Variants in FHIT observed in about 807,000 individuals in gnomAD.
The protein encoded by FHIT is fragile histidine triad diadenosine triphosphatase, also known as bis(5'-adenosyl)-triphosphatase.
In FHIT, 19 loss-of-function variants were observed where a neutral mutation model predicts 17.9. The observed-to-expected ratio is 1.06, with a 90% CI of 0.74 to 1.56. FHIT has a LOEUF of 1.56. FHIT is among the 40% of genes most tolerant of loss of function. The pLI is 0.00. For missense variants in FHIT, 248 were observed against 189.2 expected (o/e 1.31, Z -1.82); for synonymous variants, 81 against 69.7 (o/e 1.16, Z -0.81).
chr3:60,948,029 C>A (rs1708713408), intron 3 of FHIT, among the ~76,000 whole-genome samples: 1 of 152,088 alleles, frequency 6.6e-6, no homozygotes, highest in Non-Finnish European at 1.5e-5. Context: ...TAAGATAAAG[C>A]CTCTGTAGGG....
chr3:59,776,649 C>T (rs541137456), intron 8 of FHIT, among the ~76,000 whole-genome samples: 4 of 152,304 alleles, frequency 2.6e-5, no homozygotes, highest in African/African-American at 9.6e-5. Flanking sequence ...TGACTCCCTA[C>T]AGTCCAGCAT....
chr3:60,880,067 G>A (rs1290203674), intron 3 of FHIT, among the ~76,000 whole-genome samples: 3 of 152,114 alleles, frequency 2.0e-5, no homozygotes, highest in Non-Finnish European at 2.9e-5. Context: ...TTCAAGCCCT[G>A]ATGCACATTA....
At chr3:59,823,289 C>A (rs927513691) in intron 8 of FHIT, among the ~76,000 whole-genome samples, 1 of 152,012 alleles carries the variant, frequency 6.6e-6, no homozygotes, top group African/African-American at 2.4e-5. Flanking sequence ...TTTTTGGTTC[C>A]ATATGAATTT....
intron 5 of FHIT, among the ~76,000 whole-genome samples, chr3:60,117,451 C>A (rs1324942341): frequency 8.6e-6 from 1 of 115,878 alleles, no homozygotes; most frequent in Non-Finnish European, 1.7e-5. Flanking sequence ...ACTATAATGT[C>A]AATATTAAAT....
intron 5 of FHIT, among the ~76,000 whole-genome samples, chr3:60,494,129 T>G (rs527673729): frequency 1.3e-5 from 2 of 152,298 alleles, no homozygotes; most frequent in Admixed American, 1.3e-4. Flanking sequence ...CACAATGTCA[T>G]GCAACTTTCA....
intron 3 of FHIT, among the ~76,000 whole-genome samples, chr3:60,893,850 A>C (rs1353328896): frequency 2.0e-5 from 3 of 152,188 alleles, no homozygotes; most frequent in Non-Finnish European, 4.4e-5. Context: ...AGCACAAACC[A>C]AGAGAGAGAA....
intron 2 of FHIT, among the ~76,000 whole-genome samples, chr3:61,163,172 T>C (rs575877905): frequency 2.2e-4 from 34 of 152,288 alleles, no homozygotes; most frequent in Non-Finnish European, 4.4e-4. Context: ...ACCTAGTTAA[T>C]TCCTAATCTT....
Position 60,819,797 on chromosome 3 carries a change from T to G in FHIT, c.-18+2122A>C, listed in dbSNP as rs147616456. On this transcript the variant is annotated intron_variant, in intron 4 of 9. Transcript: ENST00000492590. ...GAGCACACAGCAAACAGTAGAACTC[T>G]GAGTCAGTCTTTGTAAAGAGAAGAA... Among the ~76,000 whole-genome samples the G allele has an allele frequency of 3.9e-3, 598 of 152,280 alleles. 6 individuals are homozygous for G. The highest frequency in any genetic ancestry group is 0.014 in the African/African-American group (570 of 41,558).
chr3:60,514,750 G>C (rs1006909225), intron 5 of FHIT, among the ~76,000 whole-genome samples: 1 of 152,116 alleles, frequency 6.6e-6, no homozygotes, highest in Admixed American at 6.5e-5. Context: ...ATGTCAGTAA[G>C]ACAACCTAGA....
At chr3:61,083,721 TTTC>T (rs1218105842) in intron 2 of FHIT, among the ~76,000 whole-genome samples, 3 of 152,252 alleles carry the variant, frequency 2.0e-5, no homozygotes, top group Admixed American at 2.0e-4. Context: ...TTTCTGGGTA[TTTC>T]TTATCAATGG....
chr3:59,968,454 A>C (rs1489455091), intron 7 of FHIT, among the ~76,000 whole-genome samples: 1 of 151,042 alleles, frequency 6.6e-6, no homozygotes, highest in African/African-American at 2.5e-5. Context: ...AAAACAAAAA[A>C]AGACACAAAA....
At chr3:61,012,386 A>G in intron 3 of FHIT, among the ~76,000 whole-genome samples, 1 of 152,170 alleles carries the variant, frequency 6.6e-6, no homozygotes, top group East Asian at 1.9e-4. Context: ...GAGTTGTCAG[A>G]GGATGAATCA....
chr3:60,206,867 G>A (rs1418326480), intron 5 of FHIT, among the ~76,000 whole-genome samples: 2 of 151,896 alleles, frequency 1.3e-5, no homozygotes, highest in Non-Finnish European at 2.9e-5. Flanking sequence ...TTTTTAGTTC[G>A]CTCCAGTTGC....
intron 2 of FHIT, among the ~76,000 whole-genome samples, chr3:61,115,762 C>T (rs1323869348): frequency 6.6e-6 from 1 of 152,082 alleles, no homozygotes; most frequent in Non-Finnish European, 1.5e-5. Flanking sequence ...CAGAGAAACA[C>T]TCCGGCTGGC....
At chr3:60,379,023 G>T (rs901722643) in intron 5 of FHIT, among the ~76,000 whole-genome samples, 1 of 152,184 alleles carries the variant, frequency 6.6e-6, no homozygotes, top group African/African-American at 2.4e-5. Context: ...TGGTTTTGTA[G>T]ACTCTGACTT....
intron 3 of FHIT, among the ~76,000 whole-genome samples, chr3:60,908,830 C>T (rs1193648971): frequency 6.6e-6 from 1 of 151,972 alleles, no homozygotes; most frequent in Non-Finnish European, 1.5e-5. Flanking sequence ...GAGCCATTCA[C>T]TCAATCATTC....
At chr3:61,019,917 C>T (rs538923689) in intron 3 of FHIT, among the ~76,000 whole-genome samples, 24 of 151,588 alleles carry the variant, frequency 1.6e-4, no homozygotes, top group South Asian at 8.4e-4. Context: ...GTAGAACGTG[C>T]GGGTTTGTTA....
At chr3:59,790,490 T>TTCTCTCTCTCTCTCTTTCTC (rs1332970976) in intron 8 of FHIT, among the ~76,000 whole-genome samples, 1 of 147,950 alleles carries the variant, frequency 6.8e-6, no homozygotes. Flanking sequence ...TGTTCATTGC[T>TTCTCTCTCTCTCTCTTTCTC]TCTCTCTCTC....
intron 8 of FHIT, among the ~76,000 whole-genome samples, chr3:59,898,123 G>A (rs1704156395): frequency 6.6e-6 from 1 of 152,088 alleles, no homozygotes; most frequent in African/African-American, 2.4e-5. Context: ...AATTCCACAT[G>A]TAGTGTTATG....
Sources: gnomAD v4.1 joint callset for allele counts (sites outside exome capture counted in the v4.1 genomes callset) on GRCh38, gnomAD v4.1.1 for gene constraint, MANE v1.5 for transcripts, NCBI Gene and HGNC (gene_info 2026-07-23, HGNC 2026-07-21) for gene names.